PKHD1L1: variants seen among roughly 807,000 people sequenced by gnomAD.
PKHD1L1 encodes the protein fibrocystin-L.
In PKHD1L1, 434 loss-of-function variants were observed where a neutral mutation model predicts 462.9. That is an observed-to-expected ratio of 0.94 (90% CI 0.87 to 1.02). The LOEUF (loss-of-function observed/expected upper bound fraction) is 1.02. PKHD1L1 is among the 50% of genes least tolerant of loss of function. PKHD1L1 has a pLI of 0.00. For synonymous variants in PKHD1L1, 1,781 were observed against 1,750.0 expected (o/e 1.02, Z -0.44); for missense variants, 5,202 against 5,096.1 (o/e 1.02, Z -0.63).
At chr8:109,407,047 A>G (rs921971486) in intron 17 of PKHD1L1, among the ~76,000 whole-genome samples, 11 of 152,298 alleles carry the variant, frequency 7.2e-5, no homozygotes, top group African/African-American at 2.6e-4. Flanking sequence ...TACACAAAAC[A>G]CTTTTGGAAA....
chr8:109,366,554 A>G (rs1811241066), intron 2 of PKHD1L1, among the ~76,000 whole-genome samples: 1 of 152,214 alleles, frequency 6.6e-6, no homozygotes, highest in South Asian at 2.1e-4. Context: ...AGTTAACAAG[A>G]CTGCATTGTA....
chr8:109,443,991 G>A, intron 37 of PKHD1L1, 89 bp downstream of exon 37: 1 of 1,112,648 alleles, frequency 9.0e-7, no homozygotes, highest in African/African-American at 1.6e-5. Flanking sequence ...ATTTTTACCA[G>A]CTTTATTGAG....
chr8:109,363,222 T>C (rs1288901866), intron 1 of PKHD1L1, among the ~76,000 whole-genome samples: 2 of 152,102 alleles, frequency 1.3e-5, no homozygotes, highest in South Asian at 2.1e-4. Context: ...GAACCTGAGA[T>C]AGGCGAGGAG....
chr8:109,527,481 G>A (rs775151794), intron 77 of PKHD1L1, among the ~76,000 whole-genome samples: 10 of 152,126 alleles, frequency 6.6e-5, no homozygotes, highest in African/African-American at 1.7e-4. Context: ...TCCAGCCTGC[G>A]TGACAGAACA....
chr8:109,425,362 GA>G, intron 24 of PKHD1L1, 130 bp downstream of exon 24: 1 of 540,470 alleles, frequency 1.9e-6, no homozygotes, highest in Non-Finnish European at 2.8e-6. Flanking sequence ...TTATTTATTT[GA>G]TATATAAGTA....
intron 75 of PKHD1L1, 106 bp downstream of exon 75, chr8:109,522,996 A>G (rs750628361): frequency 4.3e-5 from 54 of 1,243,844 alleles, no homozygotes; most frequent in Non-Finnish European, 5.7e-5. Context: ...TGAGGATCAC[A>G]CGGCCCTTTC....
chr8:109,514,059 A>T (rs1820139775), intron 71 of PKHD1L1, among the ~76,000 whole-genome samples: 1 of 152,030 alleles, frequency 6.6e-6, no homozygotes, highest in Non-Finnish European at 1.5e-5. Flanking sequence ...GCCCTATGGG[A>T]ATCTCTCCCA....
intron 49 of PKHD1L1, among the ~76,000 whole-genome samples, chr8:109,466,081 A>T (rs1817425119): frequency 6.6e-6 from 1 of 152,222 alleles, no homozygotes; most frequent in South Asian, 2.1e-4. Flanking sequence ...CAAATGCAAA[A>T]GTTGAGTTTT....
Position 109,425,173 on chromosome 8 carries a change from C to A in PKHD1L1, c.2786C>A (p.Ala929Asp). Residue 929 changes from alanine (A) to aspartate (D), a missense_variant, in exon 24 of 78, where the codon GCT becomes GAT. Coordinates refer to ENST00000378402, the MANE Select transcript of PKHD1L1 (RefSeq NM_177531.6). ...AAAATTCATATTCAAAGAATTCAAGCTGCATCTCCACCTCTAAGTGGCAGC... is the reference window on the plus strand; with the variant it reads ...AAAATTCATATTCAAAGAATTCAAGATGCATCTCCACCTCTAAGTGGCAGC... The part of the protein sequence containing the change: ...ESKIHIQRIQ[A>D]ASPPLSGSFD... 1 of 1,610,204 alleles carries A rather than the reference C, an allele frequency of 6.2e-7. No homozygotes were observed. Among genetic ancestry groups the A allele is most frequent in the African/African-American group, 1.3e-5 (1 of 74,772 alleles).
At chr8:109,377,277 T>C (rs1811886391) in intron 2 of PKHD1L1, among the ~76,000 whole-genome samples, 1 of 152,200 alleles carries the variant, frequency 6.6e-6, no homozygotes, top group African/African-American at 2.4e-5. Context: ...GAATATATTA[T>C]AGCACTATTT....
intron 2 of PKHD1L1, among the ~76,000 whole-genome samples, chr8:109,370,370 T>G (rs1811438548): frequency 6.6e-6 from 1 of 152,270 alleles, no homozygotes; most frequent in East Asian, 1.9e-4. Flanking sequence ...TGCCTTGGCT[T>G]CCTAAAGTGC....
At chr8:109,425,317 G>A in intron 24 of PKHD1L1, 85 bp downstream of exon 24, 2 of 962,142 alleles carry the variant, frequency 2.1e-6, no homozygotes, top group Non-Finnish European at 2.8e-6. Flanking sequence ...TTTAACTTGA[G>A]AATTACTACT....
At chr8:109,386,475 T>C (rs578123688) in intron 6 of PKHD1L1, among the ~76,000 whole-genome samples, 1 of 152,164 alleles carries the variant, frequency 6.6e-6, no homozygotes, top group African/African-American at 2.4e-5. Flanking sequence ...GTGAGGTATA[T>C]ATACACACAC....
intron 16 of PKHD1L1, among the ~76,000 whole-genome samples, chr8:109,405,570 A>G (rs1416256805): frequency 3.9e-5 from 6 of 152,122 alleles, no homozygotes; most frequent in African/African-American, 1.2e-4. Context: ...CCACTTCCTC[A>G]ACAAACTAAC....
Position 109,362,477 on chromosome 8 carries a change from G to A in PKHD1L1, c.-104G>A. Reference sequence around the variant, plus strand: ...GGCGGCCCAGTTCCCCAGCTCTCCCGGGACGAAGCGGGCCCGCCAGCGAGT... The same window carrying A: ...GGCGGCCCAGTTCCCCAGCTCTCCCAGGACGAAGCGGGCCCGCCAGCGAGT... On this transcript the variant is annotated 5_prime_UTR_variant, in exon 1 of 78. Transcript: ENST00000378402. The A allele has an allele frequency of 8.4e-7, 1 of 1,184,486 alleles. No individual in the cohort carries two copies. The highest frequency in any genetic ancestry group is 1.3e-5 in the South Asian group (1 of 74,186). 73.4% of individuals were successfully genotyped at this position (1,184,486 alleles called of 1,614,324 possible).
chr8:109,445,271 T>G lies in PKHD1L1; in HGVS notation c.5402T>G (p.Leu1801Arg). ...IEVNENNITA[L>R]VTPLPVGHHS... Reference sequence around the variant, plus strand: ...GTTAATGAAAACAACATCACTGCTCTTGTGACTCCTCTCCCAGTTGGACAT... The same window carrying G: ...GTTAATGAAAACAACATCACTGCTCGTGTGACTCCTCTCCCAGTTGGACAT... The change falls in exon 38 of 78, where the codon CTT becomes CGT. Residue 1801 changes from leucine to arginine, a missense_variant. Around this residue, in one of 3 missense-constraint regions of PKHD1L1, gnomAD observed 4,497 missense variants for 4,336.8 expected, o/e 1.04. Transcript: ENST00000378402. 2 of 1,614,010 alleles carry G rather than the reference T, an allele frequency of 1.2e-6. No individual in the cohort carries two copies. The highest frequency in any genetic ancestry group is 1.7e-6 in the Non-Finnish European group (2 of 1,179,884).
At position 109,495,937 on chromosome 8, in the gene PKHD1L1, T is replaced by C. The variant is rs537852533; in HGVS notation, c.10328-982T>C. ...TTTCATGAAAATCCCCTTTGTTGTA[T>C]ATATTAATAATGAGTATAGTTGCCA... On this transcript the variant is annotated intron_variant, in intron 63 of 77. Transcript: ENST00000378402. Among the ~76,000 whole-genome samples, 53 of 152,316 alleles carry C rather than the reference T, an allele frequency of 3.5e-4. 1 individual carries two copies. The South Asian group carries it at 0.011, about 31-fold the overall frequency.
At chr8:109,412,709 G>A (rs1241410523) in intron 20 of PKHD1L1, among the ~76,000 whole-genome samples, 3 of 151,946 alleles carry the variant, frequency 2.0e-5, no homozygotes, top group African/African-American at 4.8e-5. Context: ...AATTAAAAAT[G>A]TATAAGCTTC....
rs181319004 is a variant in PKHD1L1, at chr8:109,424,827, G to A, written c.2698-258G>A. 1.8e-3 allele frequency among the ~76,000 whole-genome samples: 281 copies of A among 152,250 alleles called. 1 individual carries two copies. The highest frequency in any genetic ancestry group is 6.6e-3 in the African/African-American group (274 of 41,538). ...ATATTTGTTCCTTGAGTGATGGAGG[G>A]TGCATTCTGAATTAATGAGGTATTA... On this transcript the variant is annotated intron_variant, in intron 23 of 77. Transcript: ENST00000378402.
Sources: gnomAD v4.1 joint callset for allele counts (sites outside exome capture counted in the v4.1 genomes callset) on GRCh38, gnomAD v4.1.1 for gene constraint, gnomAD v4.1.1 regional missense constraint, MANE v1.5 for transcripts, NCBI Gene and HGNC (gene_info 2026-07-23, HGNC 2026-07-21) for gene names.